The following VOPP1 variants were observed in gnomAD, a reference collection of about 807,000 sequenced individuals.
VOPP1 encodes VOPP1 WW domain binding protein.
Under a neutral mutation model 23.5 loss-of-function variants are expected in VOPP1, and 8 were observed. The observed-to-expected ratio is 0.34, with a 90% CI of 0.20 to 0.61. VOPP1 has a LOEUF of 0.61. VOPP1 is among the 20% of genes least tolerant of loss of function. The pLI is 0.78. For missense variants in VOPP1, 174 were observed against 238.1 expected (o/e 0.73, Z 1.77); for synonymous variants, 83 against 97.3 (o/e 0.85, Z 0.86).
At chr7:55,553,642 C>G (rs769891435) in intron 1 of VOPP1, among the ~76,000 whole-genome samples, 1 of 151,874 alleles carries the variant, frequency 6.6e-6, no homozygotes, top group African/African-American at 2.4e-5. Flanking sequence ...CAACCCCACC[C>G]CACCCCTACC....
chr7:55,519,912 G>C (rs986088567), intron 2 of VOPP1, among the ~76,000 whole-genome samples: 2 of 152,238 alleles, frequency 1.3e-5, no homozygotes, highest in Admixed American at 6.5e-5. Context: ...CAGATTGCTT[G>C]AGGATAGGAG....
At chr7:55,526,471 T>C (rs1796199207) in intron 1 of VOPP1, among the ~76,000 whole-genome samples, 1 of 152,196 alleles carries the variant, frequency 6.6e-6, no homozygotes, top group African/African-American at 2.4e-5. Flanking sequence ...ACAACACTGA[T>C]GTTGAGTGCT....
intron 1 of VOPP1, among the ~76,000 whole-genome samples, chr7:55,567,750 G>C (rs544709425): frequency 1.3e-5 from 2 of 152,134 alleles, no homozygotes; most frequent in Non-Finnish European, 2.9e-5. Flanking sequence ...GGCCTCCCGT[G>C]GAGTTTCCAG....
At chr7:55,466,290 A>T (rs1179276142), downstream of VOPP1, among the ~76,000 whole-genome samples, 1 of 152,364 alleles carries the variant, frequency 6.6e-6, no homozygotes, top group Non-Finnish European at 1.5e-5. Flanking sequence ...ACTAAGGATC[A>T]CTTTAGCTGA....
intron 1 of VOPP1, chr7:55,538,709 G>T: frequency 1.3e-6 from 2 of 1,524,274 alleles, no homozygotes; most frequent in Non-Finnish European, 8.8e-7. Flanking sequence ...CATCAAGAGA[G>T]GGCGGATTAA....
At chr7:55,455,522 T>G (rs1093252) in intron 4 of VOPP1, among the ~76,000 whole-genome samples, 45,562 of 152,006 alleles carry the variant, frequency 0.3, 7,739 homozygotes, top group East Asian at 0.52. Flanking sequence ...AGAACAAAGG[T>G]AGAGGCATCA....
intron 4 of VOPP1, among the ~76,000 whole-genome samples, chr7:55,448,659 G>A (rs1484914105): frequency 6.6e-6 from 1 of 152,238 alleles, no homozygotes; most frequent in Non-Finnish European, 1.5e-5. Flanking sequence ...TCCAGAAAGG[G>A]AAGGGAGAGA....
chr7:55,461,765 G>C (rs1321927190), intron 4 of VOPP1, among the ~76,000 whole-genome samples: 2 of 152,116 alleles, frequency 1.3e-5, no homozygotes, highest in African/African-American at 4.8e-5. Context: ...TCCCATTCAA[G>C]GTTATTACTG....
intron 1 of VOPP1, among the ~76,000 whole-genome samples, chr7:55,559,925 A>G (rs141380688): frequency 0.011 from 1,670 of 152,304 alleles, 11 homozygotes; most frequent in Middle Eastern, 0.02. Context: ...AGGCCGTGGC[A>G]GGCGATCACC....
At chr7:55,469,805 G>A (rs185794593), downstream of VOPP1, among the ~76,000 whole-genome samples, 4 of 152,316 alleles carry the variant, frequency 2.6e-5, no homozygotes, top group East Asian at 1.9e-4. Context: ...TGCACTGCCC[G>A]TCTCCCAGGG....
chr7:55,538,795 C>T (rs1213836050), intron 1 of VOPP1: 7 of 389,718 alleles, frequency 1.8e-5, no homozygotes, highest in African/African-American at 1.6e-4. Context: ...GATGAGGAAA[C>T]ATCTCCAAGC....
chr7:55,509,285 G>GT (rs1397504320), intron 2 of VOPP1, among the ~76,000 whole-genome samples: 1 of 152,116 alleles, frequency 6.6e-6, no homozygotes, highest in Non-Finnish European at 1.5e-5. Flanking sequence ...CACAGCTTGG[G>GT]TAATTTATAA....
chr7:55,469,695 C>T (rs1363631930), downstream of VOPP1, among the ~76,000 whole-genome samples: 1 of 152,198 alleles, frequency 6.6e-6, no homozygotes, highest in East Asian at 1.9e-4. Flanking sequence ...ACTGCCAGCA[C>T]TGCCTGCTAC....
intron 4 of VOPP1, among the ~76,000 whole-genome samples, chr7:55,474,852 C>T (rs1043852263): frequency 6.6e-5 from 10 of 152,210 alleles, no homozygotes; most frequent in African/African-American, 2.4e-4. Flanking sequence ...GAGAAGGATG[C>T]ATAGGCAATG....
chr7:55,467,848 C>T (rs750554907), downstream of VOPP1, among the ~76,000 whole-genome samples: 1 of 152,192 alleles, frequency 6.6e-6, no homozygotes, highest in African/African-American at 2.4e-5. Flanking sequence ...CAAACCTGTT[C>T]CTGTAATACA....
intron 4 of VOPP1, among the ~76,000 whole-genome samples, chr7:55,475,913 G>C (rs1215278003): frequency 1.3e-5 from 2 of 152,194 alleles, no homozygotes. Flanking sequence ...GCCAGAGTGA[G>C]TGCCTCACCA....
chr7:55,536,061 C>T (rs1182627909), intron 1 of VOPP1, among the ~76,000 whole-genome samples: 1 of 152,228 alleles, frequency 6.6e-6, no homozygotes. Context: ...GGCCCTGCCT[C>T]GGCCACCCTG....
At chr7:55,515,451 C>T (rs1795342472) in intron 2 of VOPP1, among the ~76,000 whole-genome samples, 1 of 152,204 alleles carries the variant, frequency 6.6e-6, no homozygotes, top group Non-Finnish European at 1.5e-5. Flanking sequence ...GGGCACAGAA[C>T]CCCCGGTCTT....
In VOPP1 at chr7:55,470,847, G is replaced by A. The variant is rs6620; in HGVS notation, c.*2008C>T. ...ACAAGAATGGCCAGGAAATGTCACCGAAGTGGGACTTCCATATGCAGGATC... is the reference window on the plus strand; with the variant it reads ...ACAAGAATGGCCAGGAAATGTCACCAAAGTGGGACTTCCATATGCAGGATC... On this transcript the variant is annotated 3_prime_UTR_variant, in exon 5 of 5. Coordinates refer to ENST00000285279, the MANE Select transcript of VOPP1 (RefSeq NM_030796.5). The A allele has an allele frequency of 0.16, 23,837 of 151,858 alleles. 2,419 individuals carry two copies. The highest frequency in any genetic ancestry group is 0.28 in the Admixed American group (4,312 of 15,254). 9.4% of individuals were successfully genotyped at this position (151,858 alleles called of 1,614,324 possible).
Sources: allele counts gnomAD v4.1 joint callset (sites outside exome capture counted in the v4.1 genomes callset), GRCh38; gene constraint gnomAD v4.1.1; transcripts MANE v1.5; gene names NCBI Gene and HGNC (gene_info 2026-07-23, HGNC 2026-07-21).